Variants in SRGAP3 observed in about 807,000 individuals in gnomAD.
SRGAP3 encodes the protein SLIT-ROBO Rho GTPase-activating protein 3.
SRGAP3 carries 39 observed loss-of-function variants against 121.1 expected under a neutral mutation model. The observed-to-expected ratio is 0.32, with a 90% CI of 0.25 to 0.42. The LOEUF (loss-of-function observed/expected upper bound fraction) is 0.42. Ranked by LOEUF, SRGAP3 falls within the 10% of genes least tolerant of loss-of-function variation. SRGAP3 has a pLI of 1.00. For missense variants in SRGAP3, 1,213 were observed against 1,470.6 expected, an observed-to-expected ratio of 0.82 and a Z score of 2.86; for synonymous variants, 601 against 570.0, an observed-to-expected ratio of 1.05 and a Z score of -0.77.
intron 3 of SRGAP3, among the ~76,000 whole-genome samples, chr3:9,264,983 G>T (rs1954326699): frequency 6.6e-6 from 1 of 152,132 alleles, no homozygotes; most frequent in South Asian, 2.1e-4. Flanking sequence ...ATACTACAAG[G>T]CTACAGTAAC....
chr3:9,346,972 T>C (rs755817014), intron 1 of SRGAP3, among the ~76,000 whole-genome samples: 10 of 151,972 alleles, frequency 6.6e-5, no homozygotes, highest in Non-Finnish European at 1.5e-4. Flanking sequence ...GCCAGGCTAG[T>C]CTCGAACTCC....
chr3:9,273,305 C>G (rs1042805367), intron 3 of SRGAP3, among the ~76,000 whole-genome samples: 1 of 152,036 alleles, frequency 6.6e-6, no homozygotes, highest in African/African-American at 2.4e-5. Context: ...GTTAGAGAAC[C>G]CTGTCTTATT....
chr3:9,261,615 A>G (rs535111225), intron 3 of SRGAP3, among the ~76,000 whole-genome samples: 5 of 151,992 alleles, frequency 3.3e-5, no homozygotes, highest in South Asian at 2.1e-4. Context: ...TTGAAGATGA[A>G]CTTAATGAAA....
intron 1 of SRGAP3, among the ~76,000 whole-genome samples, chr3:9,144,662 C>T (rs1949965654): frequency 6.6e-6 from 1 of 152,190 alleles, no homozygotes; most frequent in African/African-American, 2.4e-5. Flanking sequence ...TCTCTTGCCG[C>T]CACCATGTAA....
In SRGAP3 at chr3:8,981,513, A is replaced by G; in HGVS notation, c.*4006T>C. On this transcript the variant is annotated 3_prime_UTR_variant, in exon 22 of 22. Coordinates refer to ENST00000383836, the MANE Select transcript of SRGAP3 (RefSeq NM_014850.4). ...ATTACCCGAGTCCTCGTGTTTTTCC[A>G]TTAGCTGTGGACATGCACTGAATGC... is the stretch of plus-strand genomic sequence containing the variant. 1 of 232,744 alleles carries G rather than the reference A, an allele frequency of 4.3e-6. No homozygotes were observed. The highest frequency in any genetic ancestry group is 2.2e-5 in the African/African-American group (1 of 45,402). 14.4% of individuals were successfully genotyped at this position (232,744 alleles called of 1,614,324 possible). A position where few individuals can be genotyped will look rare whatever the true frequency, so the allele number is the denominator to read the frequency against.
At position 9,016,436 on chromosome 3, in the gene SRGAP3, A is replaced by G. The variant is rs1316723597; in HGVS notation, c.1679-705T>C. Among the ~76,000 whole-genome samples the G allele has an allele frequency of 2.6e-5, 4 of 152,100 alleles. No individual in the cohort carries two copies. In the East Asian group the frequency reaches 7.7e-4, roughly 29 times the overall value. ...GATTTGTCTGTTTTCTCATGATTAG[A>G]CTCCAATTAAATATTTTTGGCAAGA... On this transcript the variant is annotated intron_variant, in intron 14 of 21. Coordinates refer to ENST00000383836, the MANE Select transcript of SRGAP3 (RefSeq NM_014850.4).
chr3:9,089,085 A>G (rs1167432516), intron 3 of SRGAP3, among the ~76,000 whole-genome samples: 2 of 152,086 alleles, frequency 1.3e-5, no homozygotes, highest in South Asian at 2.1e-4. Context: ...AGTATATACC[A>G]GCCTAAACTA....
intron 1 of SRGAP3, among the ~76,000 whole-genome samples, chr3:9,169,824 T>C (rs1560326264): frequency 6.6e-6 from 1 of 152,176 alleles, no homozygotes; most frequent in Non-Finnish European, 1.5e-5. Flanking sequence ...CAGTGCTTTC[T>C]GAAGGGGAGG....
At chr3:9,034,405 C>G (rs998338129) in intron 11 of SRGAP3, 2 of 152,218 alleles carry the variant, frequency 1.3e-5, no homozygotes, top group Non-Finnish European at 2.9e-5. Flanking sequence ...GACTATGCAG[C>G]CAATCAGGAT....
At chr3:9,050,800 T>C (rs1945530685) in intron 9 of SRGAP3, among the ~76,000 whole-genome samples, 1 of 152,218 alleles carries the variant, frequency 6.6e-6, no homozygotes, top group Non-Finnish European at 1.5e-5. Context: ...ATGGAAGTGG[T>C]GAATACCAGC....
intron 1 of SRGAP3, among the ~76,000 whole-genome samples, chr3:9,231,145 G>A (rs182740003): frequency 2.0e-5 from 3 of 152,324 alleles, no homozygotes; most frequent in Non-Finnish European, 2.9e-5. Context: ...GTGGTTTATC[G>A]GCCAAGGTCT....
At chr3:9,220,210 T>C (rs1952766307) in intron 1 of SRGAP3, among the ~76,000 whole-genome samples, 1 of 152,110 alleles carries the variant, frequency 6.6e-6, no homozygotes, top group South Asian at 2.1e-4. Flanking sequence ...ACAAAGAAAT[T>C]ATAAAAGTTT....
At chr3:9,009,557 GACCTCT>G (rs1943253734) in intron 18 of SRGAP3, among the ~76,000 whole-genome samples, 3 of 152,042 alleles carry the variant, frequency 2.0e-5, no homozygotes, top group Admixed American at 6.5e-5. Flanking sequence ...CATTTTAGTG[GACCTCT>G]ACAAGTACCA....
In SRGAP3 at chr3:9,073,906, G is replaced by A. The variant is rs1946837073; in HGVS notation, c.486+6119C>T. Among the ~76,000 whole-genome samples the A allele has an allele frequency of 2.0e-5, 3 of 152,190 alleles. No individual in the cohort carries two copies. The South Asian group carries it at 6.2e-4, about 32-fold the overall frequency. On this transcript the variant is annotated intron_variant, in intron 4 of 21. Coordinates refer to ENST00000383836, the MANE Select transcript of SRGAP3 (RefSeq NM_014850.4). ...TCTCTGGAAGGAGACATGGCTAACT[G>A]GACACTAATAACCTAGTAACTGAGA...
chr3:9,104,111 T>A (rs752352006), intron 3 of SRGAP3, among the ~76,000 whole-genome samples: 36 of 152,194 alleles, frequency 2.4e-4, no homozygotes, highest in Non-Finnish European at 5.1e-4. Context: ...TACTGTGTAA[T>A]CATTCAAAAT....
Position 9,323,164 on chromosome 3 carries a change from G to A in SRGAP3, n.442+2846C>T, listed in dbSNP as rs1028703308. Among the ~76,000 whole-genome samples, 2 of 151,912 alleles carry A rather than the reference G, an allele frequency of 1.3e-5. 1 individual carries two copies. The highest frequency in any genetic ancestry group is 2.9e-5 in the Non-Finnish European group (2 of 68,006). On this transcript the variant is annotated intron_variant and non_coding_transcript_variant, in intron 3 of 3. Transcript: ENST00000490889. ...GTGGAAAACAGATTCATAGTTGCCA[G>A]AGGTGGACAGGGAGGGGTGCTGACT...
intron 1 of SRGAP3, among the ~76,000 whole-genome samples, chr3:9,185,558 G>A (rs755177178): frequency 2.2e-4 from 34 of 151,494 alleles, no homozygotes; most frequent in Non-Finnish European, 4.1e-4. Flanking sequence ...TAGAGACAAG[G>A]TCTCACTCTG....
chr3:9,320,912 T>C (rs938295763), intron 3 of SRGAP3, among the ~76,000 whole-genome samples: 2 of 151,858 alleles, frequency 1.3e-5, no homozygotes, highest in African/African-American at 4.8e-5. Flanking sequence ...TATATATATA[T>C]AGTGTGTATA....
chr3:9,003,287 C>A (rs181423403), intron 18 of SRGAP3, among the ~76,000 whole-genome samples: 1 of 152,180 alleles, frequency 6.6e-6, no homozygotes, highest in East Asian at 1.9e-4. Context: ...TGAGATCAGC[C>A]TGCAATATGG....
Sources: allele counts gnomAD v4.1 joint callset (sites outside exome capture counted in the v4.1 genomes callset), GRCh38; gene constraint gnomAD v4.1.1; transcripts MANE v1.5; gene names NCBI Gene and HGNC (gene_info 2026-07-23, HGNC 2026-07-21).